Variants in LTBP1 observed in about 807,000 individuals in gnomAD.
LTBP1 encodes the protein latent-transforming growth factor beta-binding protein 1.
LTBP1 carries 129 observed loss-of-function variants against 207.6 expected under a neutral mutation model. The observed-to-expected ratio is 0.62, with a 90% CI of 0.54 to 0.72. LTBP1 has a LOEUF of 0.72. Ranked by LOEUF, LTBP1 falls within the 30% of genes least tolerant of loss-of-function variation. The pLI is 0.00. For missense variants in LTBP1, 2,281 were observed against 2,217.2 expected (o/e 1.03, Z -0.58); for synonymous variants, 963 against 833.7 (o/e 1.16, Z -2.67).
At chr2:33,362,535 C>A (rs191500013) in intron 28 of LTBP1, among the ~76,000 whole-genome samples, 42 of 152,192 alleles carry the variant, frequency 2.8e-4, no homozygotes, top group African/African-American at 9.6e-4. Context: ...AAAATAAATT[C>A]CTTGTCTTCC....
At chr2:33,273,587 C>T in intron 15 of LTBP1, 69 bp from the exon 16 acceptor site, 1 of 1,308,610 alleles carries the variant, frequency 7.6e-7, no homozygotes, top group South Asian at 1.5e-5. Context: ...CAAAGTAATA[C>T]TTTGAGAGTA....
chr2:33,203,333 T>C (rs116609132), intron 7 of LTBP1, among the ~76,000 whole-genome samples: 4 of 152,202 alleles, frequency 2.6e-5, no homozygotes, highest in Non-Finnish European at 5.9e-5. Flanking sequence ...AGAGAGAACA[T>C]GTCTGCATGT....
intron 5 of LTBP1, among the ~76,000 whole-genome samples, chr2:33,145,662 G>A (rs2082966281): frequency 6.6e-6 from 1 of 152,068 alleles, no homozygotes; most frequent in Non-Finnish European, 1.5e-5. Context: ...GTTTTATTGG[G>A]TGTACACAGA....
intron 23 of LTBP1, among the ~76,000 whole-genome samples, chr2:33,312,064 C>T (rs1012785878): frequency 3.3e-5 from 5 of 152,144 alleles, no homozygotes; most frequent in Non-Finnish European, 5.9e-5. Flanking sequence ...TGTATATACT[C>T]ACCTCGTTTT....
intron 3 of LTBP1, among the ~76,000 whole-genome samples, chr2:33,058,345 A>G (rs2077107416): frequency 6.6e-6 from 1 of 152,242 alleles, no homozygotes; most frequent in African/African-American, 2.4e-5. Context: ...AAAGAAAATT[A>G]GAAGTCTACC....
intron 26 of LTBP1, among the ~76,000 whole-genome samples, chr2:33,358,287 T>C (rs1317944659): frequency 6.6e-6 from 1 of 152,022 alleles, no homozygotes; most frequent in Non-Finnish European, 1.5e-5. Flanking sequence ...GGAAATAATC[T>C]CTTTCTCCAA....
intron 3 of LTBP1, among the ~76,000 whole-genome samples, chr2:33,082,285 C>G (rs1004731096): frequency 6.6e-6 from 1 of 152,098 alleles, no homozygotes; most frequent in African/African-American, 2.4e-5. Context: ...ACTTCTCAGC[C>G]TCCAGAACTG....
chr2:33,352,700 CA>C (rs1268337310), intron 26 of LTBP1, among the ~76,000 whole-genome samples: 1 of 152,176 alleles, frequency 6.6e-6, no homozygotes, highest in Non-Finnish European at 1.5e-5. Flanking sequence ...TTAATGTTTT[CA>C]AAACATAGAT....
chr2:32,965,894 A>G (rs1212416273), intron 2 of LTBP1, among the ~76,000 whole-genome samples: 1 of 152,210 alleles, frequency 6.6e-6, no homozygotes, highest in African/African-American at 2.4e-5. Context: ...TTTGGTAAGA[A>G]GTGGAAACTG....
At chr2:32,983,716 AC>A (rs1483179070) in intron 2 of LTBP1, among the ~76,000 whole-genome samples, 2 of 151,956 alleles carry the variant, frequency 1.3e-5, no homozygotes, top group Non-Finnish European at 2.9e-5. Context: ...CCCTGCACAC[AC>A]TCTCATGCCT....
chr2:32,974,475 CTTG>C (rs1681406808), intron 2 of LTBP1, among the ~76,000 whole-genome samples: 1 of 152,136 alleles, frequency 6.6e-6, no homozygotes, highest in Non-Finnish European at 1.5e-5. Context: ...CTTACATAGT[CTTG>C]TTATTAATCA....
Position 33,186,809 on chromosome 2 carries a change from C to G in LTBP1, c.1202-47C>G, listed in dbSNP as rs117488785. 3 of 1,460,682 alleles carry G rather than the reference C, an allele frequency of 2.1e-6. No individual in the cohort carries two copies. In the African/African-American group the frequency reaches 4.2e-5, roughly 20 times the overall value. The allele number at this position is 1,460,682 out of a possible 1,614,324, so 90.5% of individuals were successfully genotyped here. Reference sequence around the variant, plus strand: ...TTTTGTTGGTTGATCATTACTTAGCCTCTGAGAGACTAACCAACTCTCCAT... The same window carrying G: ...TTTTGTTGGTTGATCATTACTTAGCGTCTGAGAGACTAACCAACTCTCCAT... On this transcript the variant is annotated intron_variant, in intron 5 of 33. Transcript: ENST00000404816.
At chr2:33,264,952 A>G (rs2148108825) in intron 15 of LTBP1, among the ~76,000 whole-genome samples, 1 of 148,830 alleles carries the variant, frequency 6.7e-6, no homozygotes, top group Non-Finnish European at 1.5e-5. Flanking sequence ...TTGATAGCAT[A>G]AGTTCCAGTC....
intron 9 of LTBP1, among the ~76,000 whole-genome samples, chr2:33,232,546 C>T (rs1030716086): frequency 6.6e-6 from 1 of 152,112 alleles, no homozygotes; most frequent in Non-Finnish European, 1.5e-5. Context: ...TGTCATTTTT[C>T]TGATGGCAGT....
chr2:33,098,396 G>A (rs978657716), intron 3 of LTBP1, among the ~76,000 whole-genome samples: 3 of 152,102 alleles, frequency 2.0e-5, no homozygotes, highest in Non-Finnish European at 4.4e-5. Context: ...TTTTTCAAAT[G>A]TATTATTTAA....
At chr2:33,205,279 A>G (rs923874910) in intron 7 of LTBP1, among the ~76,000 whole-genome samples, 6 of 152,208 alleles carry the variant, frequency 3.9e-5, no homozygotes, top group Non-Finnish European at 8.8e-5. Flanking sequence ...ATCTAATCAG[A>G]CAATTTTAAA....
At chr2:33,263,269 T>G in intron 14 of LTBP1, 25 bp from the exon 15 acceptor site, 1 of 1,471,324 alleles carries the variant, frequency 6.8e-7, no homozygotes, top group Non-Finnish European at 9.5e-7. Flanking sequence ...TTAATTTTCT[T>G]TTTATCCTCT....
At chr2:33,002,829 C>A (rs1686237983) in intron 2 of LTBP1, among the ~76,000 whole-genome samples, 1 of 152,050 alleles carries the variant, frequency 6.6e-6, no homozygotes. Flanking sequence ...AGGTTCATGC[C>A]ACTATGCCTG....
In LTBP1 at chr2:33,175,857, GA is replaced by G. The variant is rs541915393; in HGVS notation, c.1202-10998del. Among the ~76,000 whole-genome samples, 537 of 147,230 alleles carry G rather than the reference GA, an allele frequency of 3.6e-3. 2 individuals are homozygous for G. Among genetic ancestry groups the G allele is most frequent in the African/African-American group, 0.013 (503 of 39,866 alleles). The stretch of plus-strand genomic sequence containing the variant: ...ATGATGAGTTCATGTCCTTTGTAGG[GA>G]CATGGATGAAATTGGAAATCATCAT... On this transcript the variant is annotated intron_variant, in intron 5 of 33. Transcript: ENST00000404816.
Sources: gnomAD v4.1 joint callset for allele counts (sites outside exome capture counted in the v4.1 genomes callset) on GRCh38, gnomAD v4.1.1 for gene constraint, MANE v1.5 for transcripts, NCBI Gene and HGNC (gene_info 2026-07-23, HGNC 2026-07-21) for gene names.